SKI: variants seen among roughly 807,000 people sequenced by gnomAD.
SKI encodes ski oncogene.
SKI carries 23 observed loss-of-function variants against 59.3 expected under a neutral mutation model. The ratio of observed to expected loss-of-function variants is 0.39; its 90% CI spans 0.28 to 0.55. The LOEUF is 0.55. SKI is among the 20% of genes least tolerant of loss of function. SKI has a pLI of 0.67. For synonymous variants in SKI, 673 were observed against 488.6 expected (o/e 1.38, Z -4.98); for missense variants, 1,017 against 1,038.9 (o/e 0.98, Z 0.29).
At chr1:2,233,600 A>T (rs1638690826) in intron 1 of SKI, among the ~76,000 whole-genome samples, 1 of 151,560 alleles carries the variant, frequency 6.6e-6, no homozygotes, top group Non-Finnish European at 1.5e-5. Flanking sequence ...GGGTTTTCTG[A>T]TCCCTCATGC....
At chr1:2,306,465 C>T in intron 6 of SKI, 112 bp from the exon 7 acceptor site, 4 of 1,174,144 alleles carry the variant, frequency 3.4e-6, no homozygotes, top group South Asian at 1.4e-5. Context: ...GGGGCCGGCA[C>T]GCGGCACTGG....
Position 2,270,754 on chromosome 1 carries a change from T to C in SKI, c.970-32224T>C, listed in dbSNP as rs1400104655. Among the ~76,000 whole-genome samples, 1 of 152,188 alleles carries C rather than the reference T, an allele frequency of 6.6e-6. No homozygotes were observed. The highest frequency in any genetic ancestry group is 2.4e-5 in the African/African-American group (1 of 41,448). ...TCCCGCTTCCCTTCCTCTGGGCCCC[T>C]GGACTCTGGGGGCGAGGGCAGGGCT... is the stretch of plus-strand genomic sequence containing the variant. On this transcript the variant is annotated intron_variant, in intron 1 of 6. Transcript: ENST00000378536. This position sits in a 1 kb window ranked among gnomAD's most constrained non-coding sequence, Gnocchi z 4.1.
In SKI at chr1:2,267,289, C is replaced by T. The variant is rs770852362; in HGVS notation, c.970-35689C>T. 1.5e-4 allele frequency among the ~76,000 whole-genome samples: 23 copies of T among 152,192 alleles called. No homozygotes were observed. Among genetic ancestry groups the T allele is most frequent in the Non-Finnish European group, 2.9e-4 (20 of 68,042 alleles). On this transcript the variant is annotated intron_variant, in intron 1 of 6. Coordinates refer to ENST00000378536, the MANE Select transcript of SKI (RefSeq NM_003036.4). This position sits in a 1 kb window ranked among gnomAD's most constrained non-coding sequence, Gnocchi z 4.1. ...GCCGTCAGGAAAGGGGGGACTAGCA[C>T]GTACCACTCAGAATTCAGCTTGCGC...
chr1:2,232,207 G>A (rs987769261), intron 1 of SKI, among the ~76,000 whole-genome samples: 2 of 152,224 alleles, frequency 1.3e-5, no homozygotes, highest in Non-Finnish European at 2.9e-5. Flanking sequence ...TTTTTGATCT[G>A]CCGAAGATGA....
At chr1:2,281,044 C>T (rs1312419538) in intron 1 of SKI, among the ~76,000 whole-genome samples, 4 of 64,794 alleles carry the variant, frequency 6.2e-5, no homozygotes, top group Non-Finnish European at 9.3e-5. Flanking sequence ...AGAGGACGCC[C>T]GAGAAGACAG....
intron 1 of SKI, among the ~76,000 whole-genome samples, chr1:2,258,636 C>T (rs1306311810): frequency 1.3e-5 from 2 of 151,810 alleles, no homozygotes; most frequent in Non-Finnish European, 2.9e-5. Flanking sequence ...CTCACTGCAA[C>T]CTCTGCCTCC....
chr1:2,306,756 G>T lies in SKI; in HGVS notation c.2178G>T (p.Leu726=), dbSNP rs1390214921. The T allele has an allele frequency of 2.0e-6, 3 of 1,519,284 alleles. No homozygotes were observed. Among genetic ancestry groups the T allele is most frequent in the Admixed American group, 2.1e-5 (1 of 48,572 alleles). The allele number at this position is 1,519,284 out of a possible 1,614,324, so 94.1% of individuals were successfully genotyped here. Residue 726 remains leucine (L), a synonymous_variant, in exon 7 of 7, where the codon CTG becomes CTT. Coordinates refer to ENST00000378536, the MANE Select transcript of SKI (RefSeq NM_003036.4). ...CGGGCAGCGAGGGCGCTGCGGAGCT[G>T]GAGCCGTAGATTCCGTGCCTGCCGC... ...EAAGSEGAAE[L]EP
chr1:2,263,749 C>A (rs1639437726), intron 1 of SKI, among the ~76,000 whole-genome samples: 1 of 151,358 alleles, frequency 6.6e-6, no homozygotes, highest in African/African-American at 2.4e-5. Flanking sequence ...GTAATCCCAG[C>A]ACTTTGGGAG....
chr1:2,233,195 G>T (rs1219480202), intron 1 of SKI, among the ~76,000 whole-genome samples: 1 of 150,492 alleles, frequency 6.6e-6, no homozygotes, highest in Non-Finnish European at 1.5e-5. Context: ...GGGGGGTCCT[G>T]CTCCGAGGGG....
chr1:2,291,099 G>A (rs1379826015), intron 1 of SKI, among the ~76,000 whole-genome samples: 5 of 152,234 alleles, frequency 3.3e-5, no homozygotes, highest in Non-Finnish European at 7.3e-5. Context: ...CTGAAGCAGC[G>A]AGGGGACCCA....
intron 1 of SKI, among the ~76,000 whole-genome samples, chr1:2,283,945 G>A (rs1242880435): frequency 1.3e-5 from 2 of 152,174 alleles, no homozygotes; most frequent in East Asian, 1.9e-4. Flanking sequence ...CAGGAGGCGG[G>A]GAGGTGCTTG....
chr1:2,261,499 A>T (rs1569750947), intron 1 of SKI, among the ~76,000 whole-genome samples: 1 of 152,328 alleles, frequency 6.6e-6, no homozygotes, highest in African/African-American at 2.4e-5. Context: ...TGATTTATCT[A>T]TTGAGGTTTT....
chr1:2,279,179 T>C (rs1462624506), intron 1 of SKI, among the ~76,000 whole-genome samples: 1 of 152,176 alleles, frequency 6.6e-6, no homozygotes, highest in Non-Finnish European at 1.5e-5. Flanking sequence ...CAGTCAGTTC[T>C]TTGGGGATGG....
intron 1 of SKI, among the ~76,000 whole-genome samples, chr1:2,246,263 G>C (rs1569709909): frequency 6.6e-6 from 1 of 152,210 alleles, no homozygotes; most frequent in Middle Eastern, 3.4e-3. Flanking sequence ...TGTGGTTTTG[G>C]TTCTCATTTC....
intron 1 of SKI, among the ~76,000 whole-genome samples, chr1:2,234,528 C>G (rs1411776687): frequency 6.6e-6 from 1 of 152,214 alleles, no homozygotes; most frequent in Non-Finnish European, 1.5e-5. Context: ...GTGAGCCGAA[C>G]CCCGCCCTGG....
At chr1:2,244,229 G>T (rs1638942836) in intron 1 of SKI, among the ~76,000 whole-genome samples, 2 of 151,890 alleles carry the variant, frequency 1.3e-5, no homozygotes. Flanking sequence ...CTCCCAAAGT[G>T]CTGGGATTAC....
intron 1 of SKI, among the ~76,000 whole-genome samples, chr1:2,236,782 G>A (rs968628539): frequency 6.6e-6 from 1 of 152,136 alleles, no homozygotes; most frequent in African/African-American, 2.4e-5. Context: ...CATATTGAGG[G>A]CTGGGAAGTT....
At chr1:2,300,722 G>A (rs1306301107) in intron 1 of SKI, among the ~76,000 whole-genome samples, 3 of 152,230 alleles carry the variant, frequency 2.0e-5, no homozygotes, top group African/African-American at 7.2e-5. Context: ...CGCCTGATGA[G>A]GGGTCGGCAG....
intron 1 of SKI, among the ~76,000 whole-genome samples, chr1:2,293,732 C>T (rs1280588835): frequency 6.6e-6 from 1 of 152,216 alleles, no homozygotes; most frequent in Non-Finnish European, 1.5e-5. Flanking sequence ...CCGTGCAAGG[C>T]CCCTGGGTCT....
Sources: gnomAD v4.1 joint callset for allele counts (sites outside exome capture counted in the v4.1 genomes callset) on GRCh38, gnomAD v4.1.1 for gene constraint, Gnocchi (gnomAD v3.1) non-coding constraint, MANE v1.5 for transcripts, NCBI Gene and HGNC (gene_info 2026-07-23, HGNC 2026-07-21) for gene names.